OVCH2: variants seen among roughly 807,000 people sequenced by gnomAD.
OVCH2 encodes the protein ovochymase-2.
Under a neutral mutation model 73.7 loss-of-function variants are expected in OVCH2, and 88 were observed. The observed-to-expected ratio is 1.19, with a 90% CI of 1.01 to 1.43. The LOEUF (loss-of-function observed/expected upper bound fraction) is 1.43. OVCH2 is among the 40% of genes most tolerant of loss of function. The pLI is 0.00. For synonymous variants in OVCH2, 265 were observed against 234.5 expected (o/e 1.13, Z -1.19); for missense variants, 706 against 674.5 (o/e 1.05, Z -0.52).
intron 11 of OVCH2, 56 bp downstream of exon 11, chr11:7,695,514 G>A (rs1208327893): frequency 6.6e-7 from 1 of 1,509,788 alleles, no homozygotes; most frequent in Non-Finnish European, 9.1e-7. Flanking sequence ...TTCCTATGGG[G>A]CCTAAGCTTC....
the OVCH2 span, among the ~76,000 whole-genome samples, chr11:7,680,832 T>C: frequency 0.15 from 22,246 of 152,252 alleles, 1,887 homozygotes; most frequent in African/African-American, 0.21. Flanking sequence ...AAATGAATGA[T>C]TGTTTTTGTC....
At chr11:7,691,179 A>G in intron 14 of OVCH2, 90 bp downstream of exon 14, 1 of 1,440,952 alleles carries the variant, frequency 6.9e-7, no homozygotes, top group South Asian at 1.2e-5. Flanking sequence ...GTGAGAATCG[A>G]CTGTCTCTGT....
chr11:7,705,043 G>A (rs1234299133), intron 1 of OVCH2, among the ~76,000 whole-genome samples: 3 of 152,164 alleles, frequency 2.0e-5, no homozygotes, highest in Admixed American at 6.5e-5. Context: ...GATTAAAGAT[G>A]TTTAACATCA....
At chr11:7,702,436 GGT>G (rs35642755) in intron 3 of OVCH2, 107 bp from the exon 4 acceptor site, 312,454 of 828,600 alleles carry the variant, frequency 0.38, 61,931 homozygotes, top group South Asian at 0.55. Context: ...AATAATATGG[GGT>G]GTGAGGCTGC....
intron 11 of OVCH2, 44 bp from the exon 12 acceptor site, chr11:7,695,232 AAAG>A (rs776844284): frequency 1.6e-5 from 25 of 1,519,048 alleles, no homozygotes; most frequent in African/African-American, 4.2e-5. Context: ...CCATTCAAAT[AAAG>A]AAGAATTCTC....
chr11:7,695,323 T>G (rs980601566), intron 11 of OVCH2, 135 bp from the exon 12 acceptor site: 1 of 1,125,770 alleles, frequency 8.9e-7, no homozygotes, highest in African/African-American at 1.6e-5. Context: ...AAAGACGTAG[T>G]GCATGATTCT....
At chr11:7,700,971 C>A (rs1198561266) in intron 6 of OVCH2, among the ~76,000 whole-genome samples, 3 of 152,206 alleles carry the variant, frequency 2.0e-5, no homozygotes, top group African/African-American at 7.2e-5. Context: ...TCTTTTAAAT[C>A]ACACTTCCTG....
At chr11:7,701,281 G>A in intron 6 of OVCH2, 43 bp downstream of exon 6, 11 of 1,556,780 alleles carry the variant, frequency 7.1e-6, no homozygotes, top group Non-Finnish European at 9.5e-6. Flanking sequence ...AAAACCAAGG[G>A]AATCCTTGCC....
intron 2 of OVCH2, 148 bp downstream of exon 2, chr11:7,704,417 A>T: frequency 1.7e-6 from 1 of 578,748 alleles, no homozygotes; most frequent in South Asian, 2.5e-5. Flanking sequence ...ACTTTTTCTT[A>T]TGACATTCAT....
At chr11:7,684,933 T>C (rs1856126775), downstream of OVCH2, among the ~76,000 whole-genome samples, 1 of 152,170 alleles carries the variant, frequency 6.6e-6, no homozygotes, top group African/African-American at 2.4e-5. Context: ...CTCTCTCTCT[T>C]GAGCCTGCCA....
chr11:7,701,862 C>A (rs1856446136), intron 4 of OVCH2, 51 bp from the exon 5 acceptor site: 5 of 1,460,078 alleles, frequency 3.4e-6, no homozygotes, highest in Non-Finnish European at 4.7e-6. Context: ...GGAGAGGACA[C>A]TATAAGCCAC....
intron 2 of OVCH2, among the ~76,000 whole-genome samples, chr11:7,704,131 A>G (rs1294334407): frequency 6.6e-6 from 1 of 152,178 alleles, no homozygotes; most frequent in Non-Finnish European, 1.5e-5. Context: ...GAATGAAGGT[A>G]AAATAGTATA....
In OVCH2 at chr11:7,702,198, T is replaced by C. The variant is rs1314648053; in HGVS notation, c.422A>G (p.Tyr141Cys). 1 of 1,612,360 alleles carries C rather than the reference T, an allele frequency of 6.2e-7. No homozygotes were observed. The highest frequency in any genetic ancestry group is 2.2e-5 in the East Asian group (1 of 44,848). The change falls in exon 4 of 16, where the codon TAT (tyrosine) becomes TGT (cysteine). Residue 141 changes from tyrosine to cysteine, a missense_variant. Transcript: ENST00000533663. ...AGCCATCTTCAAAAGGGCAATATCA[T>C]AGTCCATTGGTTTCTTGGTGGAGAA... is the stretch of plus-strand genomic sequence containing the variant. ...PHFSTKKPMDYDIALLKMAGA... is the reference protein window; with the variant it reads ...PHFSTKKPMDCDIALLKMAGA...
At chr11:7,701,291 C>CT in intron 6 of OVCH2, 33 bp downstream of exon 6, 1 of 1,570,054 alleles carries the variant, frequency 6.4e-7, no homozygotes, top group Non-Finnish European at 8.6e-7. Flanking sequence ...GAATCCTTGC[C>CT]TGGGGCCTGA....
At chr11:7,690,040 C>G in intron 14 of OVCH2, 27 bp from the exon 15 acceptor site, 1 of 1,412,984 alleles carries the variant, frequency 7.1e-7, no homozygotes, top group Non-Finnish European at 9.6e-7. Flanking sequence ...TACAATTACT[C>G]AGTTTCCACA....
intron 14 of OVCH2, 148 bp from the exon 15 acceptor site, chr11:7,690,161 G>A (rs941947604): frequency 1.3e-5 from 8 of 593,592 alleles, no homozygotes; most frequent in South Asian, 4.7e-5. Flanking sequence ...GAGGAGTGGG[G>A]CATTTTAACT....
At chr11:7,696,278 G>T (rs1439530172) in intron 10 of OVCH2, among the ~76,000 whole-genome samples, 187 bp downstream of exon 10, 1 of 152,132 alleles carries the variant, frequency 6.6e-6, no homozygotes, top group Admixed American at 6.5e-5. Flanking sequence ...CAAGTAAATT[G>T]CCCTGTGACC....
the OVCH2 span, among the ~76,000 whole-genome samples, chr11:7,678,849 C>G: frequency 1.3e-5 from 2 of 152,262 alleles, no homozygotes; most frequent in African/African-American, 4.8e-5. Context: ...TTCTCATTAC[C>G]TGGGTCACGC....
intron 12 of OVCH2, 32 bp from the exon 13 acceptor site, chr11:7,692,027 A>G: frequency 2.1e-6 from 3 of 1,453,992 alleles, no homozygotes; most frequent in Non-Finnish European, 2.8e-6. Flanking sequence ...TCCAGAGTAA[A>G]CAATCTGAAT....
Sources: allele counts gnomAD v4.1 joint callset (sites outside exome capture counted in the v4.1 genomes callset), GRCh38; gene constraint gnomAD v4.1.1; transcripts MANE v1.5; gene names NCBI Gene and HGNC (gene_info 2026-07-23, HGNC 2026-07-21).